KIAA1217: variants seen among roughly 807,000 people sequenced by gnomAD.
KIAA1217 encodes KIAA1217.
A neutral mutation model predicts 163.9 loss-of-function variants in KIAA1217; 88 were observed. That is an observed-to-expected ratio of 0.54 (90% CI 0.45 to 0.64). The LOEUF (loss-of-function observed/expected upper bound fraction) is 0.64. Ranked by LOEUF, KIAA1217 falls within the 30% of genes least tolerant of loss-of-function variation. The pLI is 0.00. For synonymous variants in KIAA1217, 903 were observed against 923.1 expected, an observed-to-expected ratio of 0.98 and a Z score of 0.39; for missense variants, 2,372 against 2,475.0, an observed-to-expected ratio of 0.96 and a Z score of 0.88.
chr10:24,044,549 T>C (rs1848853143), intron 2 of KIAA1217, among the ~76,000 whole-genome samples: 1 of 152,116 alleles, frequency 6.6e-6, no homozygotes, highest in South Asian at 2.1e-4. Flanking sequence ...TTTCTTAGAC[T>C]AGTGTAGTGA....
At chr10:23,782,123 T>A (rs950159662) in intron 1 of KIAA1217, among the ~76,000 whole-genome samples, 2 of 152,176 alleles carry the variant, frequency 1.3e-5, no homozygotes, top group African/African-American at 4.8e-5. Flanking sequence ...ATTTTGACAG[T>A]GATTGCATTG....
intron 2 of KIAA1217, among the ~76,000 whole-genome samples, chr10:24,200,039 T>A (rs906562911): frequency 6.6e-6 from 1 of 151,914 alleles, no homozygotes; most frequent in African/African-American, 2.4e-5. Flanking sequence ...TACACTGTCC[T>A]TCCCCCCCAT....
intron 2 of KIAA1217, among the ~76,000 whole-genome samples, chr10:24,186,984 G>A (rs2066463843): frequency 6.6e-6 from 1 of 152,064 alleles, no homozygotes; most frequent in African/African-American, 2.4e-5. Flanking sequence ...TGTACTCTCT[G>A]TGACTCAGGC....
intron 6 of KIAA1217, chr10:24,482,674 T>C (rs924595291): frequency 1.3e-5 from 2 of 152,190 alleles, no homozygotes; most frequent in African/African-American, 4.8e-5. Flanking sequence ...ATTCAAAAAA[T>C]ACAGCTGGGT....
At chr10:23,795,080 A>G (rs1328446375) in intron 1 of KIAA1217, among the ~76,000 whole-genome samples, 2 of 152,198 alleles carry the variant, frequency 1.3e-5, no homozygotes, top group Non-Finnish European at 2.9e-5. Context: ...TGGCCACAGA[A>G]TACCACCTCT....
At chr10:24,073,734 G>A (rs2131634800) in intron 2 of KIAA1217, among the ~76,000 whole-genome samples, 1 of 152,294 alleles carries the variant, frequency 6.6e-6, no homozygotes, top group South Asian at 2.1e-4. Flanking sequence ...AACTTCCAGA[G>A]CAGAGCTGAG....
At chr10:24,351,280 G>T (rs1216973103) in intron 2 of KIAA1217, among the ~76,000 whole-genome samples, 2 of 152,082 alleles carry the variant, frequency 1.3e-5, no homozygotes, top group African/African-American at 4.8e-5. Flanking sequence ...GAATTTTTGG[G>T]GTCTAACTTT....
chr10:24,356,309 G>T (rs969253980), intron 2 of KIAA1217, among the ~76,000 whole-genome samples: 1 of 152,202 alleles, frequency 6.6e-6, no homozygotes, highest in African/African-American at 2.4e-5. Context: ...CTGATGCTGG[G>T]TTAAGTAATT....
chr10:23,950,932 A>C (rs1201663345), intron 1 of KIAA1217, among the ~76,000 whole-genome samples: 1 of 152,208 alleles, frequency 6.6e-6, no homozygotes, highest in African/African-American at 2.4e-5. Flanking sequence ...GAATGAATAA[A>C]AGAATGAATC....
chr10:24,420,134 A>G lies in KIAA1217; in HGVS notation c.554-12861A>G, dbSNP rs566277233. Among the ~76,000 whole-genome samples, 25 of 152,312 alleles carry G rather than the reference A, an allele frequency of 1.6e-4. No individual in the cohort carries two copies. In the East Asian group the frequency reaches 3.7e-3, roughly 22 times the overall value. On this transcript the variant is annotated intron_variant, in intron 3 of 20. Coordinates refer to ENST00000376454, the MANE Select transcript of KIAA1217 (RefSeq NM_019590.5). ...TCTTCAACTTCATGGATAGGGTTCA[A>G]TAGTGATTATGCAAATTTACACTCT...
At chr10:23,703,224 T>C (rs909988654) in intron 1 of KIAA1217, among the ~76,000 whole-genome samples, 2 of 152,128 alleles carry the variant, frequency 1.3e-5, no homozygotes, top group Non-Finnish European at 1.5e-5. Context: ...CCTATATGTA[T>C]AGAGCAGAGA....
At chr10:24,465,909 G>A (rs2062896326) in intron 5 of KIAA1217, among the ~76,000 whole-genome samples, 2 of 152,130 alleles carry the variant, frequency 1.3e-5, no homozygotes, top group East Asian at 3.9e-4. Flanking sequence ...CACAGCCCTG[G>A]TTTGCCCTCT....
chr10:24,113,061 A>G (rs1229585174), intron 2 of KIAA1217, among the ~76,000 whole-genome samples: 1 of 152,034 alleles, frequency 6.6e-6, no homozygotes, highest in Non-Finnish European at 1.5e-5. Context: ...CTACCATGAC[A>G]CACCCTGATT....
At chr10:23,956,834 C>G (rs887248521) in intron 1 of KIAA1217, among the ~76,000 whole-genome samples, 1 of 152,146 alleles carries the variant, frequency 6.6e-6, no homozygotes, top group Non-Finnish European at 1.5e-5. Context: ...ACTCAGAGAA[C>G]TTACTCATTA....
intron 1 of KIAA1217, among the ~76,000 whole-genome samples, chr10:23,769,747 C>T (rs1170806899): frequency 1.3e-5 from 2 of 152,158 alleles, no homozygotes; most frequent in East Asian, 3.9e-4. Context: ...AATTTCAAGT[C>T]TAGTGAGGAC....
chr10:24,212,623 G>A (rs2130703072), intron 1 of KIAA1217, among the ~76,000 whole-genome samples: 1 of 152,302 alleles, frequency 6.6e-6, no homozygotes, highest in Middle Eastern at 3.4e-3. Flanking sequence ...TGATGCTGTA[G>A]AGAAGCATGG....
chr10:23,718,045 C>T (rs1345696087), intron 1 of KIAA1217, among the ~76,000 whole-genome samples: 1 of 152,144 alleles, frequency 6.6e-6, no homozygotes, highest in African/African-American at 2.4e-5. Context: ...TCTAAGTCCT[C>T]CTTGCTTCCA....
intron 2 of KIAA1217, among the ~76,000 whole-genome samples, chr10:24,159,748 G>A (rs1278041226): frequency 3.9e-5 from 6 of 151,900 alleles, no homozygotes; most frequent in African/African-American, 7.3e-5. Context: ...ACGCCACTGC[G>A]CTCCAGCCTG....
At chr10:23,922,171 C>T (rs1450516424) in intron 1 of KIAA1217, among the ~76,000 whole-genome samples, 2 of 152,144 alleles carry the variant, frequency 1.3e-5, no homozygotes, top group Non-Finnish European at 2.9e-5. Context: ...ATAATGCAAC[C>T]TCTGTAGAAA....
Sources: gnomAD v4.1 joint callset for allele counts (sites outside exome capture counted in the v4.1 genomes callset) on GRCh38, gnomAD v4.1.1 for gene constraint, MANE v1.5 for transcripts, NCBI Gene and HGNC (gene_info 2026-07-23, HGNC 2026-07-21) for gene names.